Variants in RBFOX1 observed in about 807,000 individuals in gnomAD.
The protein encoded by RBFOX1 is RNA binding fox-1 homolog 1, also known as RNA binding protein fox-1 homolog 1.
Under a neutral mutation model 57.7 loss-of-function variants are expected in RBFOX1, and 8 were observed. That is an observed-to-expected ratio of 0.14 (90% CI 0.08 to 0.25). The LOEUF (loss-of-function observed/expected upper bound fraction) is 0.25, where lower values mean the gene tolerates loss of function less well. RBFOX1 is among the 10% of genes least tolerant of loss of function. The pLI is 1.00. For synonymous variants in RBFOX1, 326 were observed against 222.4 expected (o/e 1.47, Z -4.15); for missense variants, 611 against 548.5 (o/e 1.11, Z -1.14).
intron 2 of RBFOX1, among the ~76,000 whole-genome samples, chr16:5,598,154 C>T (rs886228517): frequency 6.6e-6 from 1 of 151,648 alleles, no homozygotes; most frequent in African/African-American, 2.4e-5. Flanking sequence ...AAAACTTATC[C>T]AGGTGTGGTG....
At chr16:6,018,960 C>T (rs1047251371), upstream of RBFOX1, 4 of 441,216 alleles carry the variant, frequency 9.1e-6, no homozygotes, top group African/African-American at 6.5e-5. Context: ...CAGGGCTGCA[C>T]GCGTGACCGC....
At chr16:7,450,912 G>T (rs887608587) in intron 4 of RBFOX1, among the ~76,000 whole-genome samples, 2 of 152,140 alleles carry the variant, frequency 1.3e-5, no homozygotes, top group East Asian at 1.9e-4. Context: ...CATCCACAGC[G>T]TAGGTTGGTA....
At chr16:6,162,598 G>C (rs931132911) in intron 1 of RBFOX1, among the ~76,000 whole-genome samples, 12 of 152,154 alleles carry the variant, frequency 7.9e-5, no homozygotes, top group African/African-American at 2.9e-4. Context: ...CCCAACAACA[G>C]TGGTAACAGT....
intron 4 of RBFOX1, among the ~76,000 whole-genome samples, chr16:7,385,822 C>T (rs1012593659): frequency 3.9e-5 from 6 of 152,016 alleles, no homozygotes; most frequent in African/African-American, 4.8e-5. Flanking sequence ...GGTGCGACCT[C>T]GGCTCACTGC....
chr16:5,663,575 G>A (rs897218431), intron 3 of RBFOX1, among the ~76,000 whole-genome samples: 2 of 152,042 alleles, frequency 1.3e-5, no homozygotes, highest in East Asian at 1.9e-4. Context: ...GAGTGCAGGG[G>A]GTGCAATCCC....
chr16:6,121,575 CTG>C (rs2096549786), intron 1 of RBFOX1, among the ~76,000 whole-genome samples: 1 of 152,304 alleles, frequency 6.6e-6, no homozygotes, highest in Non-Finnish European at 1.5e-5. Context: ...TGCTTGTACA[CTG>C]TGCCTGCCTT....
intron 3 of RBFOX1, among the ~76,000 whole-genome samples, chr16:6,740,488 A>T (rs2071725742): frequency 6.6e-6 from 1 of 152,240 alleles, no homozygotes; most frequent in South Asian, 2.1e-4. Flanking sequence ...TAGAGTAAAC[A>T]CCAAAAATTT....
chr16:6,703,197 C>T lies in RBFOX1; in HGVS notation c.-16+48547C>T, dbSNP rs1158001366. Among the ~76,000 whole-genome samples the T allele has an allele frequency of 2.6e-5, 4 of 151,944 alleles. No individual in the cohort carries two copies. The East Asian group carries it at 7.7e-4, about 29-fold the overall frequency. Reference sequence around the variant, plus strand: ...TGTTGATAGACATTTGGGTTGTTTCCACCTGTTGGCTACTGTAAATAATGC... The same window carrying T: ...TGTTGATAGACATTTGGGTTGTTTCTACCTGTTGGCTACTGTAAATAATGC... On this transcript the variant is annotated intron_variant, in intron 3 of 15. Transcript: ENST00000550418.
At chr16:5,489,633 G>A (rs1490280534) in intron 2 of RBFOX1, among the ~76,000 whole-genome samples, 1 of 152,184 alleles carries the variant, frequency 6.6e-6, no homozygotes, top group African/African-American at 2.4e-5. Flanking sequence ...TATTATTGTT[G>A]CTATAATTAT....
chr16:5,818,162 T>C (rs2151797412), intron 3 of RBFOX1, among the ~76,000 whole-genome samples: 1 of 152,288 alleles, frequency 6.6e-6, no homozygotes, highest in South Asian at 2.1e-4. Context: ...TTGTTACCAA[T>C]CATTGAGCAG....
chr16:6,814,107 T>G (rs895448843), intron 3 of RBFOX1, among the ~76,000 whole-genome samples: 1 of 152,180 alleles, frequency 6.6e-6, no homozygotes. Context: ...CTTTATTTAA[T>G]AGCCCACATA....
intron 1 of RBFOX1, among the ~76,000 whole-genome samples, chr16:6,241,431 C>G (rs138298788): frequency 6.6e-6 from 1 of 152,028 alleles, no homozygotes; most frequent in Non-Finnish European, 1.5e-5. Flanking sequence ...AATAATAAGA[C>G]TGCTGCCAAG....
chr16:6,650,471 A>G (rs990246426), intron 2 of RBFOX1, among the ~76,000 whole-genome samples: 4 of 152,176 alleles, frequency 2.6e-5, no homozygotes, highest in African/African-American at 7.2e-5. Flanking sequence ...TGTGTGATTC[A>G]GTATGAGTTA....
At chr16:6,200,535 A>G (rs990948107) in intron 1 of RBFOX1, among the ~76,000 whole-genome samples, 14 of 152,220 alleles carry the variant, frequency 9.2e-5, no homozygotes, top group Non-Finnish European at 1.9e-4. Context: ...ATCACACAAT[A>G]TAAACCATGG....
intron 2 of RBFOX1, among the ~76,000 whole-genome samples, chr16:6,421,792 G>C (rs930991613): frequency 1.3e-5 from 2 of 151,902 alleles, no homozygotes; most frequent in African/African-American, 2.4e-5. Flanking sequence ...GCTCTGTGCA[G>C]TTTTATACCA....
intron 4 of RBFOX1, among the ~76,000 whole-genome samples, chr16:7,292,216 GAT>G (rs1000469882): frequency 0.037 from 3,699 of 99,428 alleles, 105 homozygotes; most frequent in Non-Finnish European, 0.049. Context: ...TCATATATAT[GAT>G]ATATGATATA....
intron 1 of RBFOX1, among the ~76,000 whole-genome samples, chr16:6,063,693 A>G (rs6500745): frequency 0.94 from 142,446 of 152,258 alleles, 66,748 homozygotes; most frequent in African/African-American, 0.98. Context: ...TTAGCATGAG[A>G]AGTGGGGTCC....
chr16:7,178,976 C>T (rs1021915465), intron 4 of RBFOX1, among the ~76,000 whole-genome samples: 3 of 152,112 alleles, frequency 2.0e-5, no homozygotes, highest in African/African-American at 4.8e-5. Flanking sequence ...TTATAATTTT[C>T]GGTGGCAGTG....
chr16:7,665,012 A>G (rs1192706579), intron 13 of RBFOX1, 44 bp downstream of exon 13: 6 of 1,613,618 alleles, frequency 3.7e-6, no homozygotes, highest in East Asian at 2.2e-5. Flanking sequence ...TTCCTCCTGG[A>G]GTCATTCTTT....
Sources: allele counts gnomAD v4.1 joint callset (sites outside exome capture counted in the v4.1 genomes callset), GRCh38; gene constraint gnomAD v4.1.1; transcripts MANE v1.5; gene names NCBI Gene and HGNC (gene_info 2026-07-23, HGNC 2026-07-21).